Variants in PIGU observed in about 807,000 individuals in gnomAD.
The protein encoded by PIGU is phosphatidylinositol glycan anchor biosynthesis class U.
In PIGU, 24 loss-of-function variants were observed where a neutral mutation model predicts 49.9. That is an observed-to-expected ratio of 0.48 (90% CI 0.35 to 0.68). The LOEUF is 0.68. Ranked by LOEUF, PIGU falls within the 30% of genes least tolerant of loss-of-function variation. The pLI is 0.01. For missense variants in PIGU, 490 were observed against 532.6 expected (o/e 0.92, Z 0.79); for synonymous variants, 220 against 205.7 (o/e 1.07, Z -0.59).
At chr20:34,602,710 G>T (rs536310312) in intron 7 of PIGU, among the ~76,000 whole-genome samples, 1 of 152,264 alleles carries the variant, frequency 6.6e-6, no homozygotes, top group African/African-American at 2.4e-5. Flanking sequence ...AACACAAAAT[G>T]CAGGAAATTA....
intron 8 of PIGU, among the ~76,000 whole-genome samples, chr20:34,587,439 TTAAATC>T (rs1218464584): frequency 6.6e-6 from 1 of 152,232 alleles, no homozygotes; most frequent in Non-Finnish European, 1.5e-5. Context: ...TGTAGAATAA[TTAAATC>T]TAGCTAGTTA....
rs1422731264 is a variant in PIGU at position 34,590,577 on chromosome 20, G to GTAACGTAACA, written c.628-1971_628-1970insTGTTACGTTA. On this transcript the variant is annotated intron_variant, in intron 7 of 11. Transcript: ENST00000217446. Reference sequence around the variant, plus strand: ...TCTGTCTCAAATAAAATAGCGTAACGTAACATAACATAACATAACATAACA... The same window carrying GTAACGTAACA: ...TCTGTCTCAAATAAAATAGCGTAACGTAACGTAACATAACATAACATAACATAACATAACA... 3.5e-3 allele frequency among the ~76,000 whole-genome samples: 486 copies of GTAACGTAACA among 140,630 alleles called. 4 individuals carry two copies. The highest frequency in any genetic ancestry group is 0.012 in the African/African-American group (436 of 37,054). The allele number at this position is 140,630 out of a possible 152,430, so 92.3% of individuals were successfully genotyped here. A position where few individuals can be genotyped will look rare whatever the true frequency, so the allele number is the denominator to read the frequency against.
At chr20:34,668,617 A>C (rs189128206) in intron 1 of PIGU, among the ~76,000 whole-genome samples, 90 of 150,026 alleles carry the variant, frequency 6.0e-4, no homozygotes, top group African/African-American at 2.0e-3. Flanking sequence ...AAAATATAAG[A>C]AATTAGCCAG....
intron 11 of PIGU, among the ~76,000 whole-genome samples, chr20:34,571,950 A>T (rs1983030610): frequency 6.6e-6 from 1 of 152,170 alleles, no homozygotes; most frequent in Non-Finnish European, 1.5e-5. Context: ...CAGCAGCAGC[A>T]ACAAAGTCGA....
At chr20:34,621,532 G>A (rs1281521298) in intron 6 of PIGU, among the ~76,000 whole-genome samples, 1 of 152,136 alleles carries the variant, frequency 6.6e-6, no homozygotes, top group Non-Finnish European at 1.5e-5. Context: ...GTCTGAGTGT[G>A]GGATGCTGGG....
At chr20:34,626,697 C>T (rs1354522667) in intron 6 of PIGU, among the ~76,000 whole-genome samples, 1 of 152,050 alleles carries the variant, frequency 6.6e-6, no homozygotes, top group Non-Finnish European at 1.5e-5. Context: ...AGAACATTTG[C>T]CAGAACTGAG....
chr20:34,661,803 C>T (rs1455308729), intron 1 of PIGU, among the ~76,000 whole-genome samples: 2 of 152,126 alleles, frequency 1.3e-5, no homozygotes, highest in South Asian at 2.1e-4. Context: ...CTGCTTTCCA[C>T]GGTGGCTGAA....
intron 1 of PIGU, among the ~76,000 whole-genome samples, chr20:34,662,756 AT>A (rs1261657433): frequency 6.6e-6 from 1 of 152,232 alleles, no homozygotes; most frequent in African/African-American, 2.4e-5. Context: ...CATGTACTCA[AT>A]GAGAAATGCC....
chr20:34,659,107 C>T, intron 1 of PIGU, among the ~76,000 whole-genome samples: 1 of 143,446 alleles, frequency 7.0e-6, no homozygotes, highest in African/African-American at 2.6e-5. Context: ...GGCCAGCCGC[C>T]CCGTCCGGGA....
chr20:34,629,126 C>G, intron 6 of PIGU, among the ~76,000 whole-genome samples: 1 of 151,812 alleles, frequency 6.6e-6, no homozygotes, highest in East Asian at 2.0e-4. Flanking sequence ...AAGCAATTCT[C>G]TGCCTCAGCC....
chr20:34,668,867 CTTTTTTTTTTTT>C (rs374136983), intron 1 of PIGU, among the ~76,000 whole-genome samples: 667 of 44,784 alleles, frequency 0.015, 27 homozygotes, highest in African/African-American at 0.053. Flanking sequence ...AATGGTAAAA[CTTTTTTTTTTTT>C]TTTTTTTTTT....
In PIGU at chr20:34,585,573, C is replaced by T. The variant is rs1983666397; in HGVS notation, c.790G>A (p.Val264Ile). 7 of 1,612,918 alleles carry T rather than the reference C, an allele frequency of 4.3e-6. No homozygotes were observed. The highest frequency in any genetic ancestry group is 5.1e-6 in the Non-Finnish European group (6 of 1,179,464). The change falls in exon 9 of 12, where the codon GTT becomes ATT. Residue 264 changes from valine (V) to isoleucine (I), a missense_variant. Transcript: ENST00000217446. Reference sequence around the variant, plus strand: ...CCAATGTTTGGAGTGAGATCTGGAACAGAAAGTCTGGAATTAAGAAAACAA... The same window carrying T: ...CCAATGTTTGGAGTGAGATCTGGAATAGAAAGTCTGGAATTAAGAAAACAA... ...IPAVYGFILS[V>I]PDLTPNIGLF...
chr20:34,562,668 C>T (rs1982577306), intron 11 of PIGU: 1 of 894,314 alleles, frequency 1.1e-6, no homozygotes, highest in African/African-American at 1.7e-5. Flanking sequence ...GACTAATGGC[C>T]ATGGACCCAG....
chr20:34,616,793 A>T (rs1023233662), intron 6 of PIGU, among the ~76,000 whole-genome samples: 9 of 151,196 alleles, frequency 6.0e-5, no homozygotes, highest in Admixed American at 2.6e-4. Context: ...TTATTTTATA[A>T]AAAAAAAATG....
chr20:34,670,447 A>G (rs1004043108), intron 1 of PIGU, among the ~76,000 whole-genome samples: 2 of 151,860 alleles, frequency 1.3e-5, no homozygotes, highest in Non-Finnish European at 2.9e-5. Flanking sequence ...CTCCCACCTT[A>G]GCCTCCCAAA....
At chr20:34,578,188 G>A (rs971367248) in intron 10 of PIGU, among the ~76,000 whole-genome samples, 4 of 152,154 alleles carry the variant, frequency 2.6e-5, no homozygotes, top group Admixed American at 6.5e-5. Flanking sequence ...CACTGGCCTG[G>A]AGGGCTTGCA....
At chr20:34,637,682 C>T (rs984337767) in intron 5 of PIGU, among the ~76,000 whole-genome samples, 194 bp downstream of exon 5, 1 of 152,098 alleles carries the variant, frequency 6.6e-6, no homozygotes, top group Non-Finnish European at 1.5e-5. Flanking sequence ...GAGTCTTTGT[C>T]CCAAGAGAGA....
At chr20:34,675,380 A>G (rs1346900636) in intron 1 of PIGU, among the ~76,000 whole-genome samples, 1 of 152,140 alleles carries the variant, frequency 6.6e-6, no homozygotes, top group Admixed American at 6.6e-5. Flanking sequence ...TCAGGTTTTC[A>G]GTTATCCAGA....
intron 1 of PIGU, among the ~76,000 whole-genome samples, chr20:34,676,609 C>G (rs1318908381): frequency 6.6e-6 from 1 of 152,218 alleles, no homozygotes; most frequent in Non-Finnish European, 1.5e-5. Context: ...CCAAACTCCT[C>G]TGCAAGCCGC....
Sources: allele counts gnomAD v4.1 joint callset (sites outside exome capture counted in the v4.1 genomes callset), GRCh38; gene constraint gnomAD v4.1.1; transcripts MANE v1.5; gene names NCBI Gene and HGNC (gene_info 2026-07-23, HGNC 2026-07-21).